The following GIPC2 variants were observed in gnomAD, a reference collection of about 807,000 sequenced individuals.
GIPC2 encodes the protein PDZ domain-containing protein GIPC2.
GIPC2 carries 30 observed loss-of-function variants against 30.6 expected under a neutral mutation model. The observed-to-expected ratio is 0.98, with a 90% CI of 0.73 to 1.33. The LOEUF (loss-of-function observed/expected upper bound fraction) is 1.33, where lower values mean the gene tolerates loss of function less well. Ranked by LOEUF, GIPC2 falls within the 40% of genes most tolerant of loss-of-function variation. The pLI is 0.00. For missense variants in GIPC2, 414 were observed against 390.3 expected, an observed-to-expected ratio of 1.06 and a Z score of -0.51; for synonymous variants, 167 against 150.0, an observed-to-expected ratio of 1.11 and a Z score of -0.83.
intron 3 of GIPC2, among the ~76,000 whole-genome samples, chr1:78,118,018 G>A (rs983481764): frequency 2.0e-5 from 3 of 151,558 alleles, no homozygotes; most frequent in African/African-American, 7.3e-5. Context: ...GACCACCTGA[G>A]CTCAAGCTAT....
At chr1:78,082,842 A>C (rs1338066310) in intron 2 of GIPC2, among the ~76,000 whole-genome samples, 1 of 152,194 alleles carries the variant, frequency 6.6e-6, no homozygotes, top group African/African-American at 2.4e-5. Context: ...ACTTACATAA[A>C]GATTGCAATA....
chr1:78,083,176 G>A (rs1661864745), intron 2 of GIPC2, among the ~76,000 whole-genome samples: 1 of 152,036 alleles, frequency 6.6e-6, no homozygotes, highest in Admixed American at 6.5e-5. Flanking sequence ...TTTCATTTAT[G>A]TCTTTTTAGT....
At chr1:78,091,654 T>C in intron 2 of GIPC2, 1 of 772,438 alleles carries the variant, frequency 1.3e-6, no homozygotes, top group Non-Finnish European at 2.4e-6. Context: ...GAATATGGCA[T>C]ATGGATCTTA....
intron 1 of GIPC2, among the ~76,000 whole-genome samples, chr1:78,062,952 G>T (rs1291743443): frequency 6.6e-6 from 1 of 152,170 alleles, no homozygotes; most frequent in East Asian, 1.9e-4. Context: ...AAGTTTCACA[G>T]CCCAGAGGGA....
In GIPC2 at chr1:78,071,671, A is replaced by G. The variant is rs532926023; in HGVS notation, c.241-9004A>G. 9.2e-5 allele frequency among the ~76,000 whole-genome samples: 14 copies of G among 152,006 alleles called. No individual in the cohort carries two copies. The South Asian group carries it at 2.9e-3, about 32-fold the overall frequency. ...CAGGCTGTCTCGAACTCCTGAGCGC[A>G]AGTGATCCTCCTACCTTGGCTGGGA... On this transcript the variant is annotated intron_variant, in intron 1 of 5. Transcript: ENST00000370759.
In GIPC2 at chr1:78,126,115, C is replaced by T. The variant is rs893898489; in HGVS notation, c.796+153C>T. Among the ~76,000 whole-genome samples, 3 of 152,284 alleles carry T rather than the reference C, an allele frequency of 2.0e-5. No individual in the cohort carries two copies. The East Asian group carries it at 5.8e-4, about 29-fold the overall frequency. On this transcript the variant is annotated intron_variant, in intron 5 of 5. Coordinates refer to ENST00000370759, the MANE Select transcript of GIPC2 (RefSeq NM_017655.6). Reference sequence around the variant, plus strand: ...GACATAAAGATAAGAATAATGAAGACCTGTTCCTTACCGCTTTCTAGCTAT... The same window carrying T: ...GACATAAAGATAAGAATAATGAAGATCTGTTCCTTACCGCTTTCTAGCTAT...
intron 3 of GIPC2, among the ~76,000 whole-genome samples, chr1:78,100,376 G>T (rs1414402566): frequency 3.3e-5 from 5 of 152,122 alleles, no homozygotes; most frequent in Non-Finnish European, 7.4e-5. Context: ...TTAGTGCAGA[G>T]AGCTGATTGT....
intron 1 of GIPC2, among the ~76,000 whole-genome samples, chr1:78,051,852 TAAAC>T (rs1349520881): frequency 6.6e-6 from 1 of 152,192 alleles, no homozygotes; most frequent in African/African-American, 2.4e-5. Context: ...TTATTTCTCT[TAAAC>T]AGACAAACCT....
At chr1:78,091,711 T>G in intron 2 of GIPC2, 1 of 774,352 alleles carries the variant, frequency 1.3e-6, no homozygotes, top group Non-Finnish European at 2.4e-6. Context: ...AAAGCACATA[T>G]TTGGTAGCCT....
intron 3 of GIPC2, among the ~76,000 whole-genome samples, chr1:78,118,428 A>G (rs1662613282): frequency 6.6e-6 from 1 of 150,468 alleles, no homozygotes. Flanking sequence ...TGGGGCCTAC[A>G]TAGGGCACAT....
intron 1 of GIPC2, among the ~76,000 whole-genome samples, chr1:78,051,082 A>G (rs747030657): frequency 5.3e-5 from 8 of 152,112 alleles, no homozygotes; most frequent in South Asian, 4.1e-4. Flanking sequence ...ATTCTCTATT[A>G]TGTGGAAATA....
At chr1:78,133,254 GA>G (rs1662933527) in intron 5 of GIPC2, among the ~76,000 whole-genome samples, 2 of 152,080 alleles carry the variant, frequency 1.3e-5, no homozygotes, top group Admixed American at 6.6e-5. Context: ...TAGTAGGAGA[GA>G]AAAAAATACA....
Position 78,058,667 on chromosome 1 carries a change from G to T in GIPC2, c.240+12333G>T, listed in dbSNP as rs186988280. ...CAAATAACTTTGGGAACTGTATTTT[G>T]TAAATTCATGATACATATTAATGGC... On this transcript the variant is annotated intron_variant, in intron 1 of 5. Coordinates refer to ENST00000370759, the MANE Select transcript of GIPC2 (RefSeq NM_017655.6). Among the ~76,000 whole-genome samples the T allele has an allele frequency of 1.3e-3, 196 of 152,222 alleles. 1 individual carries two copies. Among genetic ancestry groups the T allele is most frequent in the African/African-American group, 4.6e-3 (192 of 41,540 alleles).
intron 4 of GIPC2, 112 bp from the exon 5 acceptor site, chr1:78,125,769 A>C: frequency 1.6e-6 from 1 of 630,380 alleles, no homozygotes; most frequent in Non-Finnish European, 2.9e-6. Context: ...CATTAAAATT[A>C]GCTGAAATAC....
intron 1 of GIPC2, among the ~76,000 whole-genome samples, chr1:78,047,168 T>A (rs553200729): frequency 6.6e-6 from 1 of 152,354 alleles, no homozygotes; most frequent in South Asian, 2.1e-4. Flanking sequence ...TGTGACCACT[T>A]TATTTGTGCT....
chr1:78,045,823 T>C (rs1329384284), upstream of GIPC2: 1 of 1,222,056 alleles, frequency 8.2e-7, no homozygotes, highest in Admixed American at 4.5e-5. Flanking sequence ...AGCCATTTTT[T>C]ACAAGGAGTA....
intron 5 of GIPC2, among the ~76,000 whole-genome samples, chr1:78,132,011 C>G (rs761005533): frequency 6.6e-6 from 1 of 152,194 alleles, no homozygotes; most frequent in Non-Finnish European, 1.5e-5. Flanking sequence ...CCAGCTCTTA[C>G]CACAGTACCT....
At chr1:78,122,839 T>C (rs941107668) in intron 4 of GIPC2, among the ~76,000 whole-genome samples, 14 of 152,070 alleles carry the variant, frequency 9.2e-5, no homozygotes, top group African/African-American at 2.9e-4. Flanking sequence ...GTTTCTCTTC[T>C]AAAAGGAGAG....
chr1:78,119,426 CA>C lies in GIPC2; in HGVS notation c.642del (p.Gly215GlufsTer13), dbSNP rs1662636932. The C allele has an allele frequency of 1.2e-6, 2 of 1,611,960 alleles. No homozygotes were observed. Among genetic ancestry groups the C allele is most frequent in the Admixed American group, 3.3e-5 (2 of 59,994 alleles). On this transcript the variant is annotated frameshift_variant, in exon 4 of 6. Transcript: ENST00000370759. LOFTEE classifies it high-confidence loss of function. ...IELRSKAGKSSGEKIGCGRAT... is the reference protein window; with the variant it reads ...IELRSKAGKSXGEKIGCGRAT... ...CTGAGGTCAAAGGCTGGAAAGTCATCAGGAGAAAAAATTGGTTGTGGAAGGG... is the reference window on the plus strand; with the variant it reads ...CTGAGGTCAAAGGCTGGAAAGTCATCGGAGAAAAAATTGGTTGTGGAAGGG...
Sources: allele counts gnomAD v4.1 joint callset (sites outside exome capture counted in the v4.1 genomes callset), GRCh38; gene constraint gnomAD v4.1.1; transcripts MANE v1.5; gene names NCBI Gene and HGNC (gene_info 2026-07-23, HGNC 2026-07-21).